Variants in RAD54L2 observed in about 807,000 individuals in gnomAD.
RAD54L2 encodes the protein RAD54 like 2, also known as helicase ARIP4.
A neutral mutation model predicts 138.4 loss-of-function variants in RAD54L2; 27 were observed. The observed-to-expected ratio is 0.20, with a 90% CI of 0.14 to 0.27. RAD54L2 has a LOEUF of 0.27. Ranked by LOEUF, RAD54L2 falls within the 10% of genes least tolerant of loss-of-function variation. The probability of loss-of-function intolerance (pLI) is 1.00; values close to 1 mark genes in which losing one functional copy is unlikely to be tolerated. For missense variants in RAD54L2, 1,396 were observed against 1,890.2 expected (o/e 0.74, Z 4.85); for synonymous variants, 644 against 723.2 (o/e 0.89, Z 1.76).
chr3:51,549,004 G>A (rs1698768850), intron 2 of RAD54L2, among the ~76,000 whole-genome samples: 1 of 150,912 alleles, frequency 6.6e-6, no homozygotes, highest in Admixed American at 6.6e-5. Context: ...TTTTGTATTT[G>A]TTTTTTGAGA....
rs749850835 is a variant in RAD54L2, at chr3:51,656,020, G to A, written c.3076G>A (p.Val1026Met). 5 of 1,613,962 alleles carry A rather than the reference G, an allele frequency of 3.1e-6. No homozygotes were observed. Among genetic ancestry groups the A allele is most frequent in the Non-Finnish European group, 4.2e-6 (5 of 1,179,870 alleles). The change falls in exon 20 of 23, where the codon GTG becomes ATG. Residue 1026 changes from valine to methionine, a missense_variant. Physicochemically the swap from Val to Met is conservative, Grantham distance 21. Around this residue, in one of 7 missense-constraint regions of RAD54L2, gnomAD observed 634 missense variants for 711.2 expected, o/e 0.89. Coordinates refer to ENST00000684192, the MANE Select transcript of RAD54L2 (RefSeq NM_015106.4). ...DEKPVASVRPVQSTPIPMMPR... is the reference protein window; with the variant it reads ...DEKPVASVRPMQSTPIPMMPR... ...AAAGCCTGTGGCCAGTGTTCGTCCTGTGCAGTCCACCCCCATCCCCATGAT... is the reference window on the plus strand; with the variant it reads ...AAAGCCTGTGGCCAGTGTTCGTCCTATGCAGTCCACCCCCATCCCCATGAT...
At chr3:51,630,527 A>T in intron 6 of RAD54L2, 139 bp downstream of exon 6, 1 of 997,336 alleles carries the variant, frequency 1.0e-6, no homozygotes. Context: ...TCCTTGGTAA[A>T]TATAAGTTTT....
intron 3 of RAD54L2, among the ~76,000 whole-genome samples, chr3:51,614,592 C>T (rs1700404054): frequency 1.3e-5 from 2 of 151,998 alleles, no homozygotes; most frequent in African/African-American, 4.8e-5. Context: ...TAACTCACTG[C>T]AACCTTGAAC....
At chr3:51,616,462 A>G (rs529664336) in intron 3 of RAD54L2, among the ~76,000 whole-genome samples, 3 of 152,332 alleles carry the variant, frequency 2.0e-5, no homozygotes, top group East Asian at 1.9e-4. Context: ...TTTAAATACA[A>G]TAAAACTCAC....
chr3:51,637,900 CT>C lies in RAD54L2; in HGVS notation c.1683-243del, dbSNP rs1701026487. On this transcript the variant is annotated intron_variant, in intron 11 of 22. Transcript: ENST00000684192. The surrounding 1 kb of genome is among the most constrained non-coding windows in gnomAD (Gnocchi z 5.9). ...ATTAAAGTAAGAACCTCAAGTTCCC[CT>C]GTCTCTGTCATGCAGTCAGACTTGA... is the stretch of plus-strand genomic sequence containing the variant. Among the ~76,000 whole-genome samples, 1 of 152,240 alleles carries C rather than the reference CT, an allele frequency of 6.6e-6. No homozygotes were observed. The highest frequency in any genetic ancestry group is 6.5e-5 in the Admixed American group (1 of 15,286).
intron 3 of RAD54L2, among the ~76,000 whole-genome samples, chr3:51,594,066 C>CTTTTTTTTTT (rs904101025): frequency 5.7e-5 from 6 of 105,138 alleles, no homozygotes; most frequent in South Asian, 3.2e-4. Flanking sequence ...TTTTCTTTTT[C>CTTTTTTTTTT]TTTTTTTTTT....
At chr3:51,588,877 C>T (rs917739095) in intron 2 of RAD54L2, among the ~76,000 whole-genome samples, 2 of 152,144 alleles carry the variant, frequency 1.3e-5, no homozygotes, top group East Asian at 1.9e-4. Flanking sequence ...CCTCCTCTGC[C>T]GTTGGTGCTC....
chr3:51,609,405 C>T (rs1259242155), intron 3 of RAD54L2, among the ~76,000 whole-genome samples: 1 of 152,232 alleles, frequency 6.6e-6, no homozygotes, highest in Admixed American at 6.5e-5. Flanking sequence ...CTGCCCTCCA[C>T]AGCATATGCT....
At chr3:51,538,955 C>T (rs1181846282) in intron 1 of RAD54L2, among the ~76,000 whole-genome samples, 40 bp downstream of exon 1, 3 of 152,172 alleles carry the variant, frequency 2.0e-5, no homozygotes, top group Non-Finnish European at 4.4e-5. Context: ...CGGCCGGGGC[C>T]GCCGGGTCCC....
At chr3:51,574,777 T>C (rs1468623010) in intron 2 of RAD54L2, among the ~76,000 whole-genome samples, 4 of 152,212 alleles carry the variant, frequency 2.6e-5, no homozygotes, top group Non-Finnish European at 5.9e-5. Flanking sequence ...TTGTAAAAAT[T>C]TTCTCCCATT....
At chr3:51,566,246 A>T (rs1019686547) in intron 2 of RAD54L2, among the ~76,000 whole-genome samples, 22 of 151,670 alleles carry the variant, frequency 1.5e-4, no homozygotes, top group Non-Finnish European at 2.8e-4. Context: ...TTTTCGTCTT[A>T]CTTATTGTAG....
intron 3 of RAD54L2, among the ~76,000 whole-genome samples, chr3:51,601,922 T>TCTCGGCTTACTGCAAC (rs1700091325): frequency 6.6e-6 from 1 of 151,888 alleles, no homozygotes; most frequent in Non-Finnish European, 1.5e-5. Context: ...AGTGGTGCGA[T>TCTCGGCTTACTGCAAC]CTCGGCTTAC....
chr3:51,659,703 C>T (rs1701709647), intron 21 of RAD54L2, among the ~76,000 whole-genome samples: 1 of 152,198 alleles, frequency 6.6e-6, no homozygotes, highest in Admixed American at 6.5e-5. Flanking sequence ...TTGCATTGAA[C>T]CCTTCCTGAT....
intron 2 of RAD54L2, among the ~76,000 whole-genome samples, chr3:51,590,009 T>A (rs953676386): frequency 6.6e-6 from 1 of 152,116 alleles, no homozygotes; most frequent in Non-Finnish European, 1.5e-5. Flanking sequence ...GTTTTTCTTT[T>A]GGAGAGAGTC....
intron 7 of RAD54L2, among the ~76,000 whole-genome samples, chr3:51,632,277 T>C (rs1228500661): frequency 6.6e-6 from 1 of 152,200 alleles, no homozygotes; most frequent in Admixed American, 6.5e-5. Flanking sequence ...ATAACTCAGC[T>C]TAAAAACTCT....
intron 3 of RAD54L2, 49 bp downstream of exon 3, chr3:51,590,608 G>A (rs1364226649): frequency 1.9e-6 from 3 of 1,552,312 alleles, no homozygotes; most frequent in Non-Finnish European, 2.6e-6. Flanking sequence ...TTTTCCTCCA[G>A]TGGAATTTTT....
chr3:51,575,810 T>C (rs1253615477), intron 2 of RAD54L2, among the ~76,000 whole-genome samples: 1 of 152,194 alleles, frequency 6.6e-6, no homozygotes, highest in Non-Finnish European at 1.5e-5. Context: ...CAATTTGACT[T>C]CCTCTTTTCC....
At chr3:51,559,529 T>C (rs1559616697) in intron 2 of RAD54L2, among the ~76,000 whole-genome samples, 2 of 152,204 alleles carry the variant, frequency 1.3e-5, no homozygotes, top group Admixed American at 6.5e-5. Context: ...GGTCTTTGCA[T>C]CTGGGTTATT....
intron 2 of RAD54L2, among the ~76,000 whole-genome samples, chr3:51,585,123 C>T (rs1669425046): frequency 1.3e-5 from 2 of 152,048 alleles, no homozygotes; most frequent in South Asian, 4.1e-4. Context: ...TTTTTCTACT[C>T]TTAAAAGACT....
Sources: allele counts gnomAD v4.1 joint callset (sites outside exome capture counted in the v4.1 genomes callset), GRCh38; gene constraint gnomAD v4.1.1; regional missense constraint gnomAD v4.1.1; non-coding constraint Gnocchi (gnomAD v3.1); transcripts MANE v1.5; gene names NCBI Gene and HGNC (gene_info 2026-07-23, HGNC 2026-07-21).